Variants in FEZ2 observed in about 807,000 individuals in gnomAD.
FEZ2 encodes the protein fasciculation and elongation protein zeta-2.
In FEZ2, 51 loss-of-function variants were observed where a neutral mutation model predicts 40.4. The observed-to-expected ratio is 1.26, with a 90% CI of 1.01 to 1.59. The LOEUF (loss-of-function observed/expected upper bound fraction) is 1.59. Among genes scored for constraint, FEZ2 ranks in the 40% most tolerant of loss-of-function variants. FEZ2 has a pLI of 0.00. For synonymous variants in FEZ2, 242 were observed against 172.0 expected (o/e 1.41, Z -3.18); for missense variants, 640 against 438.3 (o/e 1.46, Z -4.11).
intron 5 of FEZ2, among the ~76,000 whole-genome samples, chr2:36,562,600 A>C (rs1044955113): frequency 3.1e-4 from 47 of 152,218 alleles, no homozygotes; most frequent in African/African-American, 1.1e-3. Context: ...ACTACTCTTC[A>C]CTTCACTGAA....
chr2:36,575,632 A>G (rs1362400788), intron 5 of FEZ2, among the ~76,000 whole-genome samples: 1 of 152,240 alleles, frequency 6.6e-6, no homozygotes, highest in Non-Finnish European at 1.5e-5. Context: ...CTTTTATAAG[A>G]TAATACTTTC....
intron 5 of FEZ2, among the ~76,000 whole-genome samples, chr2:36,564,033 C>T (rs1029348736): frequency 1.3e-5 from 2 of 152,184 alleles, no homozygotes; most frequent in East Asian, 3.8e-4. Flanking sequence ...TCATGCACCC[C>T]CTCTGGGTAT....
At chr2:36,582,924 T>C (rs13385408) in intron 3 of FEZ2, among the ~76,000 whole-genome samples, 53,244 of 152,042 alleles carry the variant, frequency 0.35, 9,444 homozygotes, top group Middle Eastern at 0.51. Flanking sequence ...GGAATAATGC[T>C]CACTTCTTTC....
At chr2:36,593,457 C>T (rs941666114) in intron 1 of FEZ2, among the ~76,000 whole-genome samples, 1 of 152,216 alleles carries the variant, frequency 6.6e-6, no homozygotes, top group East Asian at 2.0e-4. Flanking sequence ...CATACATCTT[C>T]TGAATCTAGA....
chr2:36,581,554 G>GAA, intron 3 of FEZ2, 123 bp from the exon 4 acceptor site: 2 of 791,618 alleles, frequency 2.5e-6, no homozygotes, highest in Non-Finnish European at 4.1e-6. Flanking sequence ...AACCAATGGT[G>GAA]TTCAGGTGTG....
At position 36,558,512 on chromosome 2, in the gene FEZ2, T is replaced by A. The variant is rs1473856013; in HGVS notation, c.905A>T (p.Tyr302Phe). 6.7e-7 allele frequency: 1 copy of A among 1,497,636 alleles called. No individual in the cohort carries two copies. The highest frequency in any genetic ancestry group is 1.3e-5 in the South Asian group (1 of 75,422). 92.8% of individuals were successfully genotyped at this position (1,497,636 alleles called of 1,614,324 possible). Residue 302 changes from tyrosine (Y) to phenylalanine (F), a missense_variant and splice_region_variant, in exon 6 of 8, where the codon TAT becomes TTT. Tyr to Phe is a conservative substitution (Grantham distance 22). Transcript: ENST00000405912. ...KNERSHMPGT[Y>F]LTTVIPYEKK... ...CTCATAAGGAATGACTGTAGTCAAATACTGCCAAGTTTAAAAAAAAAAAGT... is the reference window on the plus strand; with the variant it reads ...CTCATAAGGAATGACTGTAGTCAAAAACTGCCAAGTTTAAAAAAAAAAAGT...
chr2:36,576,052 G>C (rs1022485199), intron 5 of FEZ2, among the ~76,000 whole-genome samples: 7 of 152,134 alleles, frequency 4.6e-5, no homozygotes, highest in African/African-American at 1.7e-4. Flanking sequence ...TTAGGAATTA[G>C]TATCACTGAT....
At chr2:36,590,004 T>A (rs185337642) in intron 2 of FEZ2, 9 of 143,156 alleles carry the variant, frequency 6.3e-5, no homozygotes, top group East Asian at 2.0e-4. Context: ...CTCATCAGAT[T>A]TAAAAAAGCT....
In FEZ2 at chr2:36,575,504, C is replaced by G. The variant is rs749479442; in HGVS notation, c.903+3093G>C. Among the ~76,000 whole-genome samples, 515 of 152,282 alleles carry G rather than the reference C, an allele frequency of 3.4e-3. 4 individuals are homozygous for G. The highest frequency in any genetic ancestry group is 5.1e-3 in the Non-Finnish European group (350 of 68,024). On this transcript the variant is annotated intron_variant, in intron 5 of 7. Coordinates refer to ENST00000405912, the MANE Select transcript of FEZ2 (RefSeq NM_005102.3). ...CTGCCCACTGTATCTTGAAGAACAC[C>G]TGCCACAGGAAAGCACTCCACAAAT...
At position 36,562,664 on chromosome 2, in the gene FEZ2, G is replaced by A. The variant is rs146726256; in HGVS notation, c.904-4151C>T. Among the ~76,000 whole-genome samples, 319 of 152,182 alleles carry A rather than the reference G, an allele frequency of 2.1e-3. 1 individual carries two copies. Among genetic ancestry groups the A allele is most frequent in the African/African-American group, 7.4e-3 (308 of 41,518 alleles). On this transcript the variant is annotated intron_variant, in intron 5 of 7. Transcript: ENST00000405912. ...GCTAGTTATAAAACAAAAACCTACAGAAAACTATTTCTGTAAATTTTTCCA... is the reference window on the plus strand; with the variant it reads ...GCTAGTTATAAAACAAAAACCTACAAAAAACTATTTCTGTAAATTTTTCCA...
At chr2:36,595,035 G>T (rs1051302571) in intron 1 of FEZ2, among the ~76,000 whole-genome samples, 2 of 152,020 alleles carry the variant, frequency 1.3e-5, no homozygotes, top group African/African-American at 4.8e-5. Context: ...CGTAAACAAC[G>T]GTCAGGACAG....
intron 3 of FEZ2, 63 bp from the exon 4 acceptor site, chr2:36,581,494 A>T: frequency 6.7e-7 from 1 of 1,491,304 alleles, no homozygotes; most frequent in Non-Finnish European, 9.3e-7. Flanking sequence ...TATCTGGAAC[A>T]CAGTGCTCAC....
Position 36,596,619 on chromosome 2 carries a change from G to A in FEZ2, c.266+1258C>T, listed in dbSNP as rs144566340. Reference sequence around the variant, plus strand: ...CGTGGGACCACGGGCATGCGCCACCGGACTTCACTAATTTTTTTTTAATTT... The same window carrying A: ...CGTGGGACCACGGGCATGCGCCACCAGACTTCACTAATTTTTTTTTAATTT... On this transcript the variant is annotated intron_variant, in intron 1 of 7. Coordinates refer to ENST00000405912, the MANE Select transcript of FEZ2 (RefSeq NM_005102.3). 4.6e-3 allele frequency among the ~76,000 whole-genome samples: 694 copies of A among 152,146 alleles called. 12 individuals carry two copies. The highest frequency in any genetic ancestry group is 0.016 in the African/African-American group (652 of 41,514).
At chr2:36,574,867 T>C (rs965400716) in intron 5 of FEZ2, among the ~76,000 whole-genome samples, 2 of 152,122 alleles carry the variant, frequency 1.3e-5, no homozygotes, top group African/African-American at 4.8e-5. Flanking sequence ...AGAGGAAATA[T>C]AAAGCCTGCC....
chr2:36,560,373 A>G (rs1668060882), intron 5 of FEZ2, among the ~76,000 whole-genome samples: 1 of 152,198 alleles, frequency 6.6e-6, no homozygotes, highest in Non-Finnish European at 1.5e-5. Context: ...CTCTAGTCTC[A>G]AACATACCGA....
intron 2 of FEZ2, among the ~76,000 whole-genome samples, chr2:36,584,635 G>A (rs79625362): frequency 0.013 from 2,037 of 152,272 alleles, 49 homozygotes; most frequent in African/African-American, 0.046. Context: ...CAAGGATTAC[G>A]TAAGAAGCCA....
intron 4 of FEZ2, 63 bp downstream of exon 4, chr2:36,581,227 C>A: frequency 7.0e-7 from 1 of 1,422,146 alleles, no homozygotes; most frequent in South Asian, 1.2e-5. Context: ...TGGAGATGAT[C>A]ATACTATACA....
chr2:36,576,939 T>C (rs746074187), intron 5 of FEZ2, among the ~76,000 whole-genome samples: 2 of 152,194 alleles, frequency 1.3e-5, no homozygotes, highest in Admixed American at 6.6e-5. Context: ...TTACATGTAA[T>C]CCCTAAAAGC....
chr2:36,552,477 TCA>T lies in FEZ2; in HGVS notation c.*684_*685del. 2 of 266,090 alleles carry T rather than the reference TCA, an allele frequency of 7.5e-6. No homozygotes were observed. Among genetic ancestry groups the T allele is most frequent in the South Asian group, 7.6e-5 (2 of 26,336 alleles). 16.5% of individuals were successfully genotyped at this position (266,090 alleles called of 1,614,324 possible). On this transcript the variant is annotated 3_prime_UTR_variant, in exon 8 of 8. Transcript: ENST00000405912. ...GGACACACACTTAAAGTACAATTCT[TCA>T]CAGACACATGAAGCAGAACATTTGA...
Sources: allele counts gnomAD v4.1 joint callset (sites outside exome capture counted in the v4.1 genomes callset), GRCh38; gene constraint gnomAD v4.1.1; transcripts MANE v1.5; gene names NCBI Gene and HGNC (gene_info 2026-07-23, HGNC 2026-07-21).